The following PLCG2 variants were observed in gnomAD, a reference collection of about 807,000 sequenced individuals.
PLCG2 encodes phospholipase C gamma 2.
In PLCG2, 69 loss-of-function variants were observed where a neutral mutation model predicts 175.6. That is an observed-to-expected ratio of 0.39 (90% CI 0.32 to 0.48). The LOEUF (loss-of-function observed/expected upper bound fraction) is 0.48. PLCG2 is among the 20% of genes least tolerant of loss of function. The pLI is 0.91. For synonymous variants in PLCG2, 827 were observed against 624.0 expected (o/e 1.33, Z -4.85); for missense variants, 1,798 against 1,650.9 (o/e 1.09, Z -1.54).
rs761239147 is a variant in PLCG2 at position 81,858,361 on chromosome 16, T to C, written c.431+5T>C. The stretch of plus-strand genomic sequence containing the variant: ...CACGCCCACCATTATCGAGAGGTAG[T>C]TGGCTTTTGCCTGTTGATTTGCGTA... On this transcript the variant is annotated splice_donor_5th_base_variant and intron_variant, in intron 4 of 32. Coordinates refer to ENST00000564138, the MANE Select transcript of PLCG2 (RefSeq NM_002661.5). 5.0e-6 allele frequency: 8 copies of C among 1,608,048 alleles called. No individual in the cohort carries two copies. In the African/African-American group the frequency reaches 8.0e-5, roughly 16 times the overall value.
At chr16:81,785,138 TGA>T (rs1214441842) in intron 1 of PLCG2, among the ~76,000 whole-genome samples, 1 of 152,120 alleles carries the variant, frequency 6.6e-6, no homozygotes, top group African/African-American at 2.4e-5. Context: ...GAAGTGGTCG[TGA>T]GAGAGTCCAC....
intron 30 of PLCG2, among the ~76,000 whole-genome samples, chr16:81,945,742 T>C (rs74029313): frequency 0.011 from 1,738 of 152,280 alleles, 37 homozygotes; most frequent in African/African-American, 0.039. Context: ...TTTCCTCCCA[T>C]TGGAAATCTT....
intron 30 of PLCG2, among the ~76,000 whole-genome samples, chr16:81,943,301 G>A (rs186437475): frequency 2.0e-5 from 3 of 152,154 alleles, no homozygotes; most frequent in Non-Finnish European, 1.5e-5. Flanking sequence ...TTTCTGGGGA[G>A]GCCTCAGGAA....
intron 32 of PLCG2, among the ~76,000 whole-genome samples, chr16:81,957,728 A>C (rs933019674): frequency 2.6e-5 from 4 of 151,960 alleles, no homozygotes; most frequent in Non-Finnish European, 5.9e-5. Flanking sequence ...TTGAATCTTC[A>C]TGTCAGCCTG....
upstream of PLCG2, among the ~76,000 whole-genome samples, chr16:81,774,942 C>T (rs1567456376): frequency 2.6e-5 from 4 of 151,998 alleles, no homozygotes; most frequent in South Asian, 6.2e-4. Context: ...ATGGAGGTCT[C>T]ATCATGTTGT....
chr16:81,809,340 C>G (rs921759370), intron 2 of PLCG2, among the ~76,000 whole-genome samples: 3 of 152,088 alleles, frequency 2.0e-5, no homozygotes, highest in Non-Finnish European at 4.4e-5. Context: ...ATCGGCAGAT[C>G]AATACCCCAG....
intron 2 of PLCG2, among the ~76,000 whole-genome samples, chr16:81,815,331 G>A (rs1269524110): frequency 6.6e-6 from 1 of 152,162 alleles, no homozygotes; most frequent in Non-Finnish European, 1.5e-5. Context: ...CAGCAGGTTG[G>A]CAGCCACACA....
At chr16:81,818,416 C>G (rs1324035562) in intron 2 of PLCG2, among the ~76,000 whole-genome samples, 10 of 152,194 alleles carry the variant, frequency 6.6e-5, no homozygotes, top group African/African-American at 2.4e-4. Context: ...TTGTTCCATT[C>G]ATTGTTCCTG....
At chr16:81,798,977 C>G (rs1413236537) in intron 2 of PLCG2, 2 of 152,434 alleles carry the variant, frequency 1.3e-5, no homozygotes, top group Admixed American at 6.5e-5. Flanking sequence ...AAAGCCCCTA[C>G]ACCAGGTAGT....
chr16:81,759,341 G>A (rs957745887), intron 2 of PLCG2, among the ~76,000 whole-genome samples: 1 of 152,004 alleles, frequency 6.6e-6, no homozygotes, highest in Non-Finnish European at 1.5e-5. Flanking sequence ...ATAAAGAGAT[G>A]GAAAAAGAAC....
intron 7 of PLCG2, among the ~76,000 whole-genome samples, chr16:81,879,195 G>C (rs970746351): frequency 2.6e-5 from 4 of 152,208 alleles, no homozygotes; most frequent in African/African-American, 4.8e-5. Flanking sequence ...GCTCCCTCCA[G>C]ATGTAAATAA....
chr16:81,918,153 A>T (rs535845623), intron 19 of PLCG2, among the ~76,000 whole-genome samples: 1 of 152,188 alleles, frequency 6.6e-6, no homozygotes, highest in Non-Finnish European at 1.5e-5. Context: ...TAGGTTGTTT[A>T]TTTACTCTGT....
Position 81,936,433 on chromosome 16 carries a change from C to G in PLCG2, c.3052+55C>G, listed in dbSNP as rs1910716307. Reference sequence around the variant, plus strand: ...CTGCAAGGTGGCGGTTGCAGTCACTCCAGGCCGAGTCACCTTGGGTCAGCG... The same window carrying G: ...CTGCAAGGTGGCGGTTGCAGTCACTGCAGGCCGAGTCACCTTGGGTCAGCG... On this transcript the variant is annotated intron_variant, in intron 27 of 32. Transcript: ENST00000564138. 5.6e-6 allele frequency: 8 copies of G among 1,431,178 alleles called. No individual in the cohort carries two copies. The South Asian group carries it at 8.1e-5, about 14-fold the overall frequency. The allele number at this position is 1,431,178 out of a possible 1,614,324, so 88.7% of individuals were successfully genotyped here.
chr16:81,907,636 T>G (rs1218760446), intron 15 of PLCG2, 49 bp from the exon 16 acceptor site: 12 of 1,368,194 alleles, frequency 8.8e-6, no homozygotes, highest in Non-Finnish European at 1.3e-5. Flanking sequence ...GCTCCACAGT[T>G]GATGAGGTAG....
intron 2 of PLCG2, among the ~76,000 whole-genome samples, chr16:81,818,160 T>G (rs796490499): frequency 2.6e-5 from 4 of 152,346 alleles, no homozygotes; most frequent in African/African-American, 9.6e-5. Flanking sequence ...GTTAAGCTCT[T>G]ACTCCCGTTA....
chr16:81,865,938 C>T (rs373785716), intron 5 of PLCG2, among the ~76,000 whole-genome samples: 8 of 129,304 alleles, frequency 6.2e-5, no homozygotes, highest in African/African-American at 1.8e-4. Flanking sequence ...CATGAGAGGA[C>T]GCTGGCCTCT....
At chr16:81,935,529 C>G (rs1009352979) in intron 26 of PLCG2, 1 of 985,116 alleles carries the variant, frequency 1.0e-6, no homozygotes, top group African/African-American at 1.7e-5. Flanking sequence ...CCATATCTTT[C>G]ATCTTAGAAC....
chr16:81,904,591 G>T (rs1909284581), intron 14 of PLCG2, among the ~76,000 whole-genome samples: 1 of 152,236 alleles, frequency 6.6e-6, no homozygotes, highest in Admixed American at 6.5e-5. Flanking sequence ...TGCCCAGCCT[G>T]TTCCCTCTGG....
intron 13 of PLCG2, among the ~76,000 whole-genome samples, chr16:81,899,436 A>G (rs1011604805): frequency 6.6e-6 from 1 of 152,128 alleles, no homozygotes; most frequent in Non-Finnish European, 1.5e-5. Context: ...ACTTGCTAAA[A>G]TTGACTTGTA....
Sources: allele counts gnomAD v4.1 joint callset (sites outside exome capture counted in the v4.1 genomes callset), GRCh38; gene constraint gnomAD v4.1.1; transcripts MANE v1.5; gene names NCBI Gene and HGNC (gene_info 2026-07-23, HGNC 2026-07-21).